Variants in RBFOX1 observed in about 807,000 individuals in gnomAD.
RBFOX1 encodes RNA binding fox-1 homolog 1, also known as RNA binding protein fox-1 homolog 1.
In RBFOX1, 8 loss-of-function variants were observed where a neutral mutation model predicts 57.7. The ratio of observed to expected loss-of-function variants is 0.14; its 90% CI spans 0.08 to 0.25. The LOEUF (loss-of-function observed/expected upper bound fraction) is 0.25. Ranked by LOEUF, RBFOX1 falls within the 10% of genes least tolerant of loss-of-function variation. RBFOX1 has a pLI of 1.00. For synonymous variants in RBFOX1, 326 were observed against 222.4 expected, an observed-to-expected ratio of 1.47 and a Z score of -4.15; for missense variants, 611 against 548.5, an observed-to-expected ratio of 1.11 and a Z score of -1.14.
At chr16:7,454,812 G>T (rs1459843705) in intron 4 of RBFOX1, among the ~76,000 whole-genome samples, 1 of 152,088 alleles carries the variant, frequency 6.6e-6, no homozygotes, top group African/African-American at 2.4e-5. Context: ...TTGACCTTCT[G>T]GGTCCTGGGG....
intron 3 of RBFOX1, among the ~76,000 whole-genome samples, chr16:5,731,564 C>G (rs934577201): frequency 6.6e-6 from 1 of 152,110 alleles, no homozygotes; most frequent in Non-Finnish European, 1.5e-5. Context: ...GAGGGGCTCT[C>G]TTGCTTCTGA....
intron 4 of RBFOX1, among the ~76,000 whole-genome samples, chr16:7,224,721 A>G (rs931972952): frequency 5.9e-5 from 9 of 152,202 alleles, no homozygotes; most frequent in Non-Finnish European, 8.8e-5. Flanking sequence ...AAACCAATCA[A>G]TGGGAATTGT....
chr16:6,899,084 G>C lies in RBFOX1; in HGVS notation c.-15-152973G>C, dbSNP rs563802951. ...ATACATGTATTACACACATGTACAC[G>C]TGTATAATGTGTGTACATCTGTGTA... On this transcript the variant is annotated intron_variant, in intron 3 of 15. Coordinates refer to ENST00000550418, the MANE Select transcript of RBFOX1 (RefSeq NM_018723.4). Among the ~76,000 whole-genome samples the C allele has an allele frequency of 4.6e-5, 5 of 108,068 alleles. No homozygotes were observed. The South Asian group carries it at 1.2e-3, about 25-fold the overall frequency. 70.9% of individuals were successfully genotyped at this position (108,068 alleles called of 152,430 possible). A position where few individuals can be genotyped will look rare whatever the true frequency, so the allele number is the denominator to read the frequency against.
chr16:6,903,909 G>C (rs1243803369), intron 3 of RBFOX1, among the ~76,000 whole-genome samples: 2 of 152,140 alleles, frequency 1.3e-5, no homozygotes, highest in African/African-American at 4.8e-5. Context: ...CAAGCTGCCA[G>C]GGAGGATGTT....
At chr16:6,681,803 A>G (rs193214808) in intron 3 of RBFOX1, among the ~76,000 whole-genome samples, 444 of 152,292 alleles carry the variant, frequency 2.9e-3, no homozygotes, top group Non-Finnish European at 5.2e-3. Context: ...TGGAGATAAT[A>G]GCTACCCTTT....
intron 3 of RBFOX1, among the ~76,000 whole-genome samples, chr16:5,637,716 G>A (rs1247642612): frequency 3.3e-5 from 5 of 152,178 alleles, no homozygotes; most frequent in Non-Finnish European, 5.9e-5. Flanking sequence ...GGATCCCTAA[G>A]GGTGGAACAG....
chr16:7,057,397 C>G (rs1299170562), intron 4 of RBFOX1, among the ~76,000 whole-genome samples: 2 of 152,176 alleles, frequency 1.3e-5, no homozygotes, highest in African/African-American at 2.4e-5. Flanking sequence ...CATCTCCTGT[C>G]TTTGTTTCTG....
intron 2 of RBFOX1, among the ~76,000 whole-genome samples, chr16:6,534,520 C>T (rs571290091): frequency 1.2e-4 from 19 of 152,220 alleles, no homozygotes; most frequent in African/African-American, 4.6e-4. Flanking sequence ...CTTTTCATGC[C>T]ATTGGGAAAG....
At chr16:7,314,486 A>G (rs941703153) in intron 4 of RBFOX1, among the ~76,000 whole-genome samples, 1 of 152,180 alleles carries the variant, frequency 6.6e-6, no homozygotes, top group Admixed American at 6.5e-5. Context: ...TGTGTGTTTA[A>G]TCAGATTCAC....
chr16:5,814,223 C>G (rs6500726), intron 3 of RBFOX1, among the ~76,000 whole-genome samples: 1,677 of 152,280 alleles, frequency 0.011, 33 homozygotes, highest in African/African-American at 0.039. Context: ...CTTTCCCAGC[C>G]TTAGCTGAAG....
chr16:6,083,023 A>T (rs891675443), intron 1 of RBFOX1, among the ~76,000 whole-genome samples: 2 of 119,762 alleles, frequency 1.7e-5, no homozygotes, highest in African/African-American at 3.1e-5. Flanking sequence ...TGTTTTTTAG[A>T]TGGAGTCTTG....
intron 2 of RBFOX1, among the ~76,000 whole-genome samples, chr16:6,532,844 C>G (rs2096678447): frequency 6.6e-6 from 1 of 152,180 alleles, no homozygotes; most frequent in African/African-American, 2.4e-5. Flanking sequence ...AGGCAAAGAT[C>G]TCAGACTTTC....
At chr16:7,597,622 G>GGTT (rs2094775358) in intron 9 of RBFOX1, among the ~76,000 whole-genome samples, 191 bp downstream of exon 9, 1 of 152,120 alleles carries the variant, frequency 6.6e-6, no homozygotes, top group African/African-American at 2.4e-5. Flanking sequence ...GGAGTGTTCA[G>GGTT]GTTAAGTGTG....
intron 4 of RBFOX1, among the ~76,000 whole-genome samples, chr16:5,929,759 T>G (rs1277807096): frequency 6.6e-6 from 1 of 152,154 alleles, no homozygotes; most frequent in East Asian, 1.9e-4. Context: ...CATGCATACC[T>G]AGTCACTTGC....
Position 7,532,683 on chromosome 16 carries a change from G to T in RBFOX1, c.270+14294G>T, listed in dbSNP as rs559032469. On this transcript the variant is annotated intron_variant, in intron 5 of 15. Coordinates refer to ENST00000550418, the MANE Select transcript of RBFOX1 (RefSeq NM_018723.4). ...GCTAGGAGTTGGCAAACTGTAGCTC[G>T]TGGGCCGATTCCTGCCTGCGATGTT... Among the ~76,000 whole-genome samples the T allele has an allele frequency of 3.9e-5, 6 of 152,292 alleles. No individual in the cohort carries two copies. The South Asian group carries it at 1.2e-3, about 32-fold the overall frequency.
At chr16:6,458,738 C>G (rs1040500131) in intron 2 of RBFOX1, among the ~76,000 whole-genome samples, 1 of 152,202 alleles carries the variant, frequency 6.6e-6, no homozygotes, top group African/African-American at 2.4e-5. Flanking sequence ...GAATGAAAAA[C>G]GGTATCTGTG....
At chr16:7,448,293 G>C (rs1315676573) in intron 4 of RBFOX1, among the ~76,000 whole-genome samples, 2 of 152,226 alleles carry the variant, frequency 1.3e-5, no homozygotes, top group East Asian at 3.8e-4. Flanking sequence ...GGATGTATTA[G>C]TTGATTCTGA....
chr16:6,826,784 A>C (rs2092203581), intron 3 of RBFOX1, among the ~76,000 whole-genome samples: 1 of 152,194 alleles, frequency 6.6e-6, no homozygotes, highest in African/African-American at 2.4e-5. Context: ...TACAAGAATG[A>C]CTTTATGTGA....
chr16:7,272,595 G>A (rs1421696909), intron 4 of RBFOX1, among the ~76,000 whole-genome samples: 1 of 152,184 alleles, frequency 6.6e-6, no homozygotes, highest in East Asian at 1.9e-4. Flanking sequence ...GGACAGGAAA[G>A]CAGTGCTGAG....
Sources: allele counts gnomAD v4.1 joint callset (sites outside exome capture counted in the v4.1 genomes callset), GRCh38; gene constraint gnomAD v4.1.1; transcripts MANE v1.5; gene names NCBI Gene and HGNC (gene_info 2026-07-23, HGNC 2026-07-21).